The following FRRS1 variants were observed in gnomAD, a reference collection of about 807,000 sequenced individuals.
FRRS1 encodes ferric chelate reductase 1.
In FRRS1, 51 loss-of-function variants were observed where a neutral mutation model predicts 70.7. The observed-to-expected ratio is 0.72, with a 90% CI of 0.58 to 0.91. FRRS1 has a LOEUF of 0.91. Ranked by LOEUF, FRRS1 falls within the 40% of genes least tolerant of loss-of-function variation. The pLI, the probability that FRRS1 is intolerant of heterozygous loss-of-function variation, is 0.00. For missense variants in FRRS1, 672 were observed against 726.0 expected (o/e 0.93, Z 0.86); for synonymous variants, 225 against 238.7 (o/e 0.94, Z 0.53).
chr1:99,715,090 C>G (rs1384822414), intron 12 of FRRS1, among the ~76,000 whole-genome samples: 1 of 152,122 alleles, frequency 6.6e-6, no homozygotes, highest in Admixed American at 6.5e-5. Context: ...TTCCTGAGCT[C>G]AAGCAATCCT....
intron 6 of FRRS1, among the ~76,000 whole-genome samples, chr1:99,739,682 A>T (rs1182889898): frequency 6.6e-6 from 1 of 152,242 alleles, no homozygotes; most frequent in Non-Finnish European, 1.5e-5. Flanking sequence ...TAAATGCAAG[A>T]CACAGTTATA....
rs1657366710 is a variant in FRRS1, at chr1:99,766,623, A to C, written c.-122T>G. ...GACACTTACCTTGAGAAGCGAAGGC[A>C]GCCTAACCAACTTCCGGTTTTGTTA... On this transcript the variant is annotated 5_prime_UTR_variant, in exon 1 of 17. Coordinates refer to ENST00000646001, the MANE Select transcript of FRRS1 (RefSeq NM_001361041.2). The C allele has an allele frequency of 6.6e-6, 1 of 152,236 alleles. No individual in the cohort carries two copies. Among genetic ancestry groups the C allele is most frequent in the South Asian group, 2.1e-4 (1 of 4,834 alleles). The allele number at this position is 152,236 out of a possible 1,614,324, so 9.4% of individuals were successfully genotyped here.
chr1:99,760,935 C>T (rs1278315343), intron 1 of FRRS1, among the ~76,000 whole-genome samples: 1 of 151,996 alleles, frequency 6.6e-6, no homozygotes, highest in African/African-American at 2.4e-5. Context: ...TAGGCATGAG[C>T]CAATGCGCCT....
chr1:99,725,407 C>T (rs746001234), intron 9 of FRRS1, among the ~76,000 whole-genome samples: 15 of 152,228 alleles, frequency 9.9e-5, no homozygotes, highest in African/African-American at 1.4e-4. Flanking sequence ...ATGTGCATAG[C>T]TTACTTGGGA....
At chr1:99,709,142 GAA>G in intron 16 of FRRS1, 22 bp from the exon 17 acceptor site, 3 of 1,485,866 alleles carry the variant, frequency 2.0e-6, no homozygotes, top group Non-Finnish European at 2.7e-6. Context: ...ATTGAGATAT[GAA>G]AAAAAAAAGT....
chr1:99,741,603 AT>A (rs1472310090), intron 5 of FRRS1, among the ~76,000 whole-genome samples: 1 of 152,226 alleles, frequency 6.6e-6, no homozygotes, highest in Non-Finnish European at 1.5e-5. Flanking sequence ...GAGTTTCATA[AT>A]TTGAGAGGCA....
rs1489859835 is a variant in FRRS1 at position 99,705,983 on chromosome 1, T to C, written c.*3045A>G. The stretch of plus-strand genomic sequence containing the variant: ...TTGAAAAACTTCCCAGAGTGTTTAT[T>C]ACAGAAACAAAAAGAAAAACTGAGA... On this transcript the variant is annotated 3_prime_UTR_variant, in exon 17 of 17. Transcript: ENST00000646001. Among the ~76,000 whole-genome samples the C allele has an allele frequency of 6.6e-6, 1 of 152,190 alleles. No individual in the cohort carries two copies. The highest frequency in any genetic ancestry group is 1.9e-4 in the East Asian group (1 of 5,202).
chr1:99,727,858 T>C (rs1655143680), intron 9 of FRRS1, among the ~76,000 whole-genome samples: 1 of 152,192 alleles, frequency 6.6e-6, no homozygotes, highest in Non-Finnish European at 1.5e-5. Flanking sequence ...ACCAGTGTAG[T>C]CTTCTTGAGA....
At chr1:99,727,815 G>A (rs1020987633) in intron 9 of FRRS1, among the ~76,000 whole-genome samples, 3 of 152,142 alleles carry the variant, frequency 2.0e-5, no homozygotes, top group African/African-American at 7.2e-5. Flanking sequence ...AAACAAAATC[G>A]AATTATTCCT....
chr1:99,733,023 T>C (rs1655473644), intron 7 of FRRS1, among the ~76,000 whole-genome samples: 1 of 151,968 alleles, frequency 6.6e-6, no homozygotes, highest in East Asian at 1.9e-4. Context: ...TTTTATGAAT[T>C]TTTTGTAGAG....
In FRRS1 at chr1:99,704,444, T is replaced by G. The variant is rs1653976205; in HGVS notation, c.*4584A>C. Among the ~76,000 whole-genome samples the G allele has an allele frequency of 6.6e-6, 1 of 152,014 alleles. No individual in the cohort carries two copies. The highest frequency in any genetic ancestry group is 2.1e-4 in the South Asian group (1 of 4,818). The stretch of plus-strand genomic sequence containing the variant: ...GAGGGAAGTGCTGGGAAGGGCGTGG[T>G]CCCTTTAAATAACAGGAAAGGAGGG... On this transcript the variant is annotated 3_prime_UTR_variant, in exon 17 of 17. Transcript: ENST00000646001.
chr1:99,734,902 T>C (rs960194432), intron 7 of FRRS1, among the ~76,000 whole-genome samples: 9 of 152,262 alleles, frequency 5.9e-5, no homozygotes, highest in East Asian at 3.9e-4. Flanking sequence ...GAGTTCAGGA[T>C]TGGGGACATC....
chr1:99,726,125 T>A (rs893669712), intron 9 of FRRS1, among the ~76,000 whole-genome samples: 1 of 152,276 alleles, frequency 6.6e-6, no homozygotes, highest in South Asian at 2.1e-4. Context: ...GTTCTCATGA[T>A]AGTGAATGAG....
At chr1:99,758,329 T>C (rs1428180589) in intron 1 of FRRS1, among the ~76,000 whole-genome samples, 10 of 152,244 alleles carry the variant, frequency 6.6e-5, no homozygotes, top group Non-Finnish European at 1.5e-4. Flanking sequence ...TTGCTTCTAT[T>C]AGAAAATGAA....
intron 1 of FRRS1, among the ~76,000 whole-genome samples, chr1:99,754,517 G>C (rs1056322710): frequency 6.6e-6 from 1 of 151,944 alleles, no homozygotes; most frequent in Non-Finnish European, 1.5e-5. Context: ...AAGAGAGAGA[G>C]AGAGAGAGAA....
At chr1:99,740,536 A>G (rs987270627) in intron 6 of FRRS1, among the ~76,000 whole-genome samples, 16 of 152,198 alleles carry the variant, frequency 1.1e-4, no homozygotes, top group African/African-American at 3.4e-4. Flanking sequence ...CTTTACTCCT[A>G]TGTAATGTCT....
rs185689682 is a variant in FRRS1, at chr1:99,715,077, G to A, written c.1323+509C>T. On this transcript the variant is annotated intron_variant, in intron 12 of 16. Coordinates refer to ENST00000646001, the MANE Select transcript of FRRS1 (RefSeq NM_001361041.2). ...TCACTATGTTGCCTAGGCTGGTTTC[G>A]AATTCCTGAGCTCAAGCAATCCTCC... is the stretch of plus-strand genomic sequence containing the variant. Among the ~76,000 whole-genome samples, 7 of 152,000 alleles carry A rather than the reference G, an allele frequency of 4.6e-5. No homozygotes were observed. In the East Asian group the frequency reaches 5.8e-4, roughly 13 times the overall value.
At position 99,747,375 on chromosome 1, in the gene FRRS1, C is replaced by A. The variant is rs759342086; in HGVS notation, c.252G>T (p.Glu84Asp). ...AGCCAATAGGAGGGCCATTCAGATC[C>A]TCAGCATTACGCGCTTCTAGGAGAA... ...KGFLLEARNAEDLNGPPIGSF... is the reference protein window; with the variant it reads ...KGFLLEARNADDLNGPPIGSF... Residue 84 changes from glutamate to aspartate, a missense_variant, in exon 4 of 17, where the codon GAG (glutamate) becomes GAT (aspartate). Transcript: ENST00000646001. 1 of 1,613,694 alleles carries A rather than the reference C, an allele frequency of 6.2e-7. No individual in the cohort carries two copies. Among genetic ancestry groups the A allele is most frequent in the Admixed American group, 1.7e-5 (1 of 60,008 alleles).
chr1:99,759,666 G>C (rs1485677947), intron 1 of FRRS1, among the ~76,000 whole-genome samples: 1 of 152,120 alleles, frequency 6.6e-6, no homozygotes, highest in Non-Finnish European at 1.5e-5. Context: ...AAATTTTGTG[G>C]ACAAAGGGAA....
Sources: allele counts gnomAD v4.1 joint callset (sites outside exome capture counted in the v4.1 genomes callset), GRCh38; gene constraint gnomAD v4.1.1; transcripts MANE v1.5; gene names NCBI Gene and HGNC (gene_info 2026-07-23, HGNC 2026-07-21).